Variants in LYPLA1 observed in about 807,000 individuals in gnomAD.
The protein encoded by LYPLA1 is acyl-protein thioesterase 1.
LYPLA1 carries 17 observed loss-of-function variants against 34.0 expected under a neutral mutation model. The ratio of observed to expected loss-of-function variants is 0.50; its 90% CI spans 0.34 to 0.75. The LOEUF is 0.75. Among genes scored for constraint, LYPLA1 ranks in the 30% least tolerant of loss-of-function variants. LYPLA1 has a pLI of 0.01. For synonymous variants in LYPLA1, 98 were observed against 100.8 expected (o/e 0.97, Z 0.17); for missense variants, 203 against 288.8 (o/e 0.70, Z 2.15).
At chr8:54,079,527 G>A (rs1808154293) in intron 2 of LYPLA1, among the ~76,000 whole-genome samples, 2 of 152,162 alleles carry the variant, frequency 1.3e-5, no homozygotes, top group Non-Finnish European at 1.5e-5. Flanking sequence ...ACTAGACTGG[G>A]TGCAGTGGCT....
chr8:54,069,032 A>C (rs1807280298), intron 2 of LYPLA1, among the ~76,000 whole-genome samples: 1 of 152,218 alleles, frequency 6.6e-6, no homozygotes, highest in African/African-American at 2.4e-5. Context: ...CAAAGAAGAT[A>C]TACAAATGGC....
chr8:54,083,511 G>A (rs1376968738), intron 2 of LYPLA1, among the ~76,000 whole-genome samples: 2 of 151,958 alleles, frequency 1.3e-5, no homozygotes, highest in Non-Finnish European at 2.9e-5. Flanking sequence ...AAACAACAGG[G>A]GTCAATAATT....
chr8:54,101,722 G>C, intron 1 of LYPLA1, 33 bp downstream of exon 1: 1 of 1,284,442 alleles, frequency 7.8e-7, no homozygotes, highest in African/African-American at 1.5e-5. Context: ...CCGGCCCAGT[G>C]GACCCCTCCG....
At chr8:54,058,903 G>A (rs892406786) in intron 5 of LYPLA1, among the ~76,000 whole-genome samples, 3 of 152,116 alleles carry the variant, frequency 2.0e-5, no homozygotes, top group African/African-American at 7.2e-5. Flanking sequence ...AGGGCACTAT[G>A]TACCCCCAAC....
chr8:54,092,304 G>T (rs1809352953), intron 2 of LYPLA1, among the ~76,000 whole-genome samples: 1 of 150,550 alleles, frequency 6.6e-6, no homozygotes, highest in Non-Finnish European at 1.5e-5. Context: ...GGGAAGAGAA[G>T]GTGGAGGAGG....
intron 2 of LYPLA1, among the ~76,000 whole-genome samples, chr8:54,070,134 G>C (rs1025606677): frequency 1.3e-5 from 2 of 152,142 alleles, no homozygotes; most frequent in African/African-American, 4.8e-5. Flanking sequence ...CTATTCCTAG[G>C]TCTATACCGA....
At position 54,051,047 on chromosome 8, in the gene LYPLA1, T is replaced by A. The variant is rs760831813; in HGVS notation, c.604A>T (p.Thr202Ser). ...LVNPANVTFK[T>S]YEGMMHSSCQ... is the part of the protein sequence containing the mutation. ...GAACTGTGCATCATACCTTCATAGGTTTTAAAGGTCACATTGGCTGGATTC... is the reference window on the plus strand; with the variant it reads ...GAACTGTGCATCATACCTTCATAGGATTTAAAGGTCACATTGGCTGGATTC... The change falls in exon 8 of 9, where the codon ACC (threonine) becomes TCC (serine). Residue 202 changes from threonine (T) to serine (S), a missense_variant. Thr to Ser is a moderately conservative substitution (Grantham distance 58). Around this residue, in one of 3 missense-constraint regions of LYPLA1, gnomAD observed 123 missense variants for 199.2 expected, o/e 0.62. Transcript: ENST00000316963. 1.5e-5 allele frequency: 24 copies of A among 1,613,576 alleles called. No individual in the cohort carries two copies. Among genetic ancestry groups the A allele is most frequent in the Non-Finnish European group, 2.0e-5 (24 of 1,179,700 alleles).
At chr8:54,066,532 G>A (rs1255422570) in intron 2 of LYPLA1, among the ~76,000 whole-genome samples, 1 of 152,042 alleles carries the variant, frequency 6.6e-6, no homozygotes, top group East Asian at 1.9e-4. Flanking sequence ...TGTAATCCTA[G>A]CACTTTGGGA....
At chr8:54,085,808 G>A (rs1455537824) in intron 2 of LYPLA1, among the ~76,000 whole-genome samples, 4 of 59,112 alleles carry the variant, frequency 6.8e-5, no homozygotes, top group African/African-American at 5.4e-4. Context: ...TCCGCGAGGT[G>A]GGGGGGGGGC....
At chr8:54,079,821 A>AAAT (rs1554546664) in intron 2 of LYPLA1, among the ~76,000 whole-genome samples, 11 of 151,870 alleles carry the variant, frequency 7.2e-5, no homozygotes, top group African/African-American at 2.7e-4. Context: ...ATAAATAAAT[A>AAAT]AATAAAATTT....
intron 2 of LYPLA1, among the ~76,000 whole-genome samples, chr8:54,096,957 C>G (rs1276108163): frequency 6.6e-6 from 1 of 151,724 alleles, no homozygotes; most frequent in Non-Finnish European, 1.5e-5. Flanking sequence ...AATCTGAGTC[C>G]ATACTAACTA....
At chr8:54,066,626 CA>C (rs1807087726) in intron 2 of LYPLA1, among the ~76,000 whole-genome samples, 1 of 151,290 alleles carries the variant, frequency 6.6e-6, no homozygotes, top group Non-Finnish European at 1.5e-5. Flanking sequence ...ACTAAAAATA[CA>C]AAAATTAGCC....
At position 54,088,443 on chromosome 8, in the gene LYPLA1, A is replaced by G. The variant is rs553811922; in HGVS notation, c.101+12465T>C. Among the ~76,000 whole-genome samples, 38 of 152,370 alleles carry G rather than the reference A, an allele frequency of 2.5e-4. 2 individuals are homozygous for G. The South Asian group carries it at 7.9e-3, about 32-fold the overall frequency. On this transcript the variant is annotated intron_variant, in intron 2 of 8. Coordinates refer to ENST00000316963, the MANE Select transcript of LYPLA1 (RefSeq NM_006330.4). Reference sequence around the variant, plus strand: ...TAGAAATGGATGGCTATAATCAAAAAGACAATAACAAGTGTTAACGAGGAT... The same window carrying G: ...TAGAAATGGATGGCTATAATCAAAAGGACAATAACAAGTGTTAACGAGGAT...
chr8:54,100,951 G>T lies in LYPLA1; in HGVS notation c.70-12C>A. On this transcript the variant is annotated splice_polypyrimidine_tract_variant and intron_variant, in intron 1 of 8. Transcript: ENST00000316963. ...TGCAGGAAAATCACCTATAAGAGAA[G>T]AGGAAAATTAATAAGCAATGCCTAA... The T allele has an allele frequency of 6.2e-7, 1 of 1,606,612 alleles. No homozygotes were observed. The highest frequency in any genetic ancestry group is 1.7e-5 in the Admixed American group (1 of 59,964).
chr8:54,082,406 T>C (rs955977372), intron 2 of LYPLA1, among the ~76,000 whole-genome samples: 1 of 152,148 alleles, frequency 6.6e-6, no homozygotes, highest in Non-Finnish European at 1.5e-5. Context: ...GAACTAATCC[T>C]TTTTTTAAAA....
chr8:54,096,561 A>ACCC (rs368056378), intron 2 of LYPLA1, among the ~76,000 whole-genome samples: 1 of 151,386 alleles, frequency 6.6e-6, no homozygotes, highest in South Asian at 2.1e-4. Flanking sequence ...ACATGGTGAA[A>ACCC]CCCCCCCGTC....
chr8:54,066,011 A>G (rs1038315638), intron 2 of LYPLA1, among the ~76,000 whole-genome samples, 198 bp from the exon 3 acceptor site: 1 of 152,066 alleles, frequency 6.6e-6, no homozygotes, highest in African/African-American at 2.4e-5. Context: ...ATCTCGGCTC[A>G]CTGCAAGCTA....
At chr8:54,053,384 G>A (rs1462905045) in intron 6 of LYPLA1, 5 of 314,866 alleles carry the variant, frequency 1.6e-5, no homozygotes, top group Non-Finnish European at 3.2e-5. Context: ...GTGAGCCACC[G>A]TGCCTGGCCC....
chr8:54,077,792 T>C (rs535574504), intron 2 of LYPLA1, among the ~76,000 whole-genome samples: 23 of 152,164 alleles, frequency 1.5e-4, no homozygotes, highest in African/African-American at 5.5e-4. Flanking sequence ...CGGGCAAAAG[T>C]ATGGTATAGC....
Sources: gnomAD v4.1 joint callset for allele counts (sites outside exome capture counted in the v4.1 genomes callset) on GRCh38, gnomAD v4.1.1 for gene constraint, gnomAD v4.1.1 regional missense constraint, MANE v1.5 for transcripts, NCBI Gene and HGNC (gene_info 2026-07-23, HGNC 2026-07-21) for gene names.